DLGAP1: variants seen among roughly 807,000 people sequenced by gnomAD.
DLGAP1 encodes the protein disks large-associated protein 1.
Under a neutral mutation model 90.8 loss-of-function variants are expected in DLGAP1, and 11 were observed. The ratio of observed to expected loss-of-function variants is 0.12; its 90% CI spans 0.08 to 0.20. The LOEUF (loss-of-function observed/expected upper bound fraction) is 0.20, where lower values mean the gene tolerates loss of function less well. Among genes scored for constraint, DLGAP1 ranks in the 10% least tolerant of loss-of-function variants. DLGAP1 has a pLI of 1.00. For synonymous variants in DLGAP1, 558 were observed against 540.7 expected (o/e 1.03, Z -0.44); for missense variants, 1,050 against 1,333.8 (o/e 0.79, Z 3.31).
intron 4 of DLGAP1, among the ~76,000 whole-genome samples, chr18:3,822,182 T>C (rs1052336314): frequency 1.3e-5 from 2 of 152,170 alleles, no homozygotes; most frequent in African/African-American, 2.4e-5. Context: ...ACTTAATTTG[T>C]TTTAGATTGC....
intron 3 of DLGAP1, among the ~76,000 whole-genome samples, chr18:3,940,392 G>A (rs2072742070): frequency 6.6e-6 from 1 of 152,174 alleles, no homozygotes; most frequent in Non-Finnish European, 1.5e-5. Flanking sequence ...GATTATTACT[G>A]TTTTAAGTTG....
At chr18:4,336,307 T>C (rs913563102) in intron 1 of DLGAP1, among the ~76,000 whole-genome samples, 2 of 152,186 alleles carry the variant, frequency 1.3e-5, no homozygotes, top group African/African-American at 4.8e-5. Context: ...TCCATAGAGG[T>C]GGACTCTGTT....
intron 1 of DLGAP1, among the ~76,000 whole-genome samples, chr18:4,298,122 G>A (rs765789242): frequency 2.3e-4 from 35 of 152,196 alleles, no homozygotes; most frequent in Non-Finnish European, 4.7e-4. Context: ...TTGGCTCCAT[G>A]ACCCTCACCT....
chr18:4,009,234 T>A (rs1468620697), intron 2 of DLGAP1, among the ~76,000 whole-genome samples: 1 of 152,138 alleles, frequency 6.6e-6, no homozygotes, highest in East Asian at 1.9e-4. Context: ...CCACTTGCGC[T>A]CCATGCTCCT....
At chr18:3,588,499 C>G (rs140428157) in intron 7 of DLGAP1, among the ~76,000 whole-genome samples, 1 of 150,384 alleles carries the variant, frequency 6.6e-6, no homozygotes, top group African/African-American at 2.4e-5. Context: ...AGACATTATA[C>G]GGCAGAGTGC....
At chr18:3,501,196 A>AC (rs2049912574) in intron 12 of DLGAP1, among the ~76,000 whole-genome samples, 1 of 151,150 alleles carries the variant, frequency 6.6e-6, no homozygotes, top group African/African-American at 2.4e-5. Flanking sequence ...GGGATTACAG[A>AC]CATGAGCCAC....
intron 8 of DLGAP1, among the ~76,000 whole-genome samples, chr18:3,581,664 G>GAAA (rs71159093): frequency 3.5e-5 from 5 of 142,072 alleles, no homozygotes; most frequent in Non-Finnish European, 4.5e-5. Flanking sequence ...TTCTCACCAT[G>GAAA]AAAAAAAAAA....
intron 1 of DLGAP1, among the ~76,000 whole-genome samples, chr18:4,308,017 G>A (rs1385950277): frequency 1.3e-5 from 2 of 152,014 alleles, no homozygotes; most frequent in Non-Finnish European, 2.9e-5. Context: ...GCCCGGCCGA[G>A]GGTTTGCTTT....
intron 5 of DLGAP1, among the ~76,000 whole-genome samples, chr18:3,811,364 T>C (rs1190984179): frequency 3.9e-5 from 6 of 152,218 alleles, no homozygotes; most frequent in African/African-American, 7.2e-5. Flanking sequence ...CACAGTAATA[T>C]ATGAGATGTG....
At chr18:3,945,810 C>T (rs1196696609) in intron 3 of DLGAP1, among the ~76,000 whole-genome samples, 2 of 152,110 alleles carry the variant, frequency 1.3e-5, no homozygotes, top group Middle Eastern at 3.4e-3. Flanking sequence ...AGTTAATATG[C>T]TCTTTAAAGC....
At chr18:3,601,200 C>A (rs1007116462) in intron 7 of DLGAP1, among the ~76,000 whole-genome samples, 7 of 151,972 alleles carry the variant, frequency 4.6e-5, no homozygotes, top group Non-Finnish European at 8.8e-5. Context: ...AATTCTCCCA[C>A]CTCAGCCACC....
At chr18:4,306,033 TACACACACACACACACACAC>T (rs3041181) in intron 1 of DLGAP1, among the ~76,000 whole-genome samples, 2 of 142,110 alleles carry the variant, frequency 1.4e-5, no homozygotes, top group Non-Finnish European at 3.0e-5. Context: ...CACACACAAA[TACACACACACACACACACAC>T]ACACACACAC....
intron 2 of DLGAP1, among the ~76,000 whole-genome samples, chr18:4,117,382 T>C (rs914860714): frequency 2.6e-5 from 4 of 152,236 alleles, no homozygotes; most frequent in African/African-American, 7.2e-5. Context: ...TTTTGCATAA[T>C]ACATTGTAGC....
intron 7 of DLGAP1, among the ~76,000 whole-genome samples, chr18:3,680,706 G>A (rs7229034): frequency 0.47 from 71,264 of 150,646 alleles, 19,614 homozygotes; most frequent in African/African-American, 0.75. Context: ...GGAGAATGGC[G>A]TGAACCCGGG....
In DLGAP1 at chr18:3,498,006, C is replaced by T. The variant is rs1320851979; in HGVS notation, c.*1179G>A. ...ATTTGACACAGGACAGAATCCTATG[C>T]TAGGTATTACTGGACTCTGCAGTAG... On this transcript the variant is annotated 3_prime_UTR_variant, in exon 13 of 13. Transcript: ENST00000315677. The T allele has an allele frequency of 6.6e-6, 1 of 152,148 alleles. No homozygotes were observed. The highest frequency in any genetic ancestry group is 1.5e-5 in the Non-Finnish European group (1 of 68,034). 9.4% of individuals were successfully genotyped at this position (152,148 alleles called of 1,614,324 possible). A position where few individuals can be genotyped will look rare whatever the true frequency, so the allele number is the denominator to read the frequency against.
At chr18:3,856,308 A>G (rs964777504) in intron 4 of DLGAP1, among the ~76,000 whole-genome samples, 3 of 152,210 alleles carry the variant, frequency 2.0e-5, no homozygotes, top group Admixed American at 6.5e-5. Flanking sequence ...AGAAACTACA[A>G]TTATAAGCAC....
intron 2 of DLGAP1, among the ~76,000 whole-genome samples, chr18:4,043,802 A>T (rs1289358271): frequency 6.6e-6 from 1 of 152,232 alleles, no homozygotes; most frequent in African/African-American, 2.4e-5. Flanking sequence ...CAACGGGACC[A>T]GCAAATCTCA....
At chr18:3,625,568 A>T (rs1435546103) in intron 7 of DLGAP1, among the ~76,000 whole-genome samples, 1 of 152,240 alleles carries the variant, frequency 6.6e-6, no homozygotes, top group African/African-American at 2.4e-5. Flanking sequence ...AACCCAAAGC[A>T]TGCCTTTTTT....
rs11283105 is a variant in DLGAP1, at chr18:4,084,960, C to CAGGTAA, written c.-159+66219_-159+66220insTTACCT. ...AGAGCATGCTGCAAGGAGCAGGCATCGTCCAGGATGGTTAATGGGGAAGAC... is the reference window on the plus strand; with the variant it reads ...AGAGCATGCTGCAAGGAGCAGGCATCAGGTAAGTCCAGGATGGTTAATGGGGAAGAC... On this transcript the variant is annotated intron_variant, in intron 2 of 12. Coordinates refer to ENST00000315677, the MANE Select transcript of DLGAP1 (RefSeq NM_004746.4). This position sits in a 1 kb window ranked among gnomAD's most constrained non-coding sequence, Gnocchi z 4.0. 1.8e-4 allele frequency among the ~76,000 whole-genome samples: 27 copies of CAGGTAA among 151,332 alleles called. No homozygotes were observed. Among genetic ancestry groups the CAGGTAA allele is most frequent in the African/African-American group, 6.1e-4 (25 of 41,260 alleles).
Sources: gnomAD v4.1 joint callset for allele counts (sites outside exome capture counted in the v4.1 genomes callset) on GRCh38, gnomAD v4.1.1 for gene constraint, Gnocchi (gnomAD v3.1) non-coding constraint, MANE v1.5 for transcripts, NCBI Gene and HGNC (gene_info 2026-07-23, HGNC 2026-07-21) for gene names.